CAMTA1: variants seen among roughly 807,000 people sequenced by gnomAD.
CAMTA1 encodes calmodulin-binding transcription activator 1.
CAMTA1 carries 27 observed loss-of-function variants against 170.9 expected under a neutral mutation model. The observed-to-expected ratio is 0.16, with a 90% CI of 0.12 to 0.22. The LOEUF is 0.22. Among genes scored for constraint, CAMTA1 ranks in the 10% least tolerant of loss-of-function variants. CAMTA1 has a pLI of 1.00. For synonymous variants in CAMTA1, 833 were observed against 891.5 expected, an observed-to-expected ratio of 0.93 and a Z score of 1.17; for missense variants, 1,619 against 2,217.2, an observed-to-expected ratio of 0.73 and a Z score of 5.42.
intron 6 of CAMTA1, among the ~76,000 whole-genome samples, chr1:7,543,190 C>T (rs1012875965): frequency 7.2e-5 from 11 of 152,184 alleles, no homozygotes; most frequent in South Asian, 2.1e-4. Flanking sequence ...TTAATGGCTG[C>T]GTAATATCCC....
rs1461337087 is a variant in CAMTA1 at position 7,738,088 on chromosome 1, C to T, written c.3788C>T (p.Thr1263Ile). 3 of 1,614,086 alleles carry T rather than the reference C, an allele frequency of 1.9e-6. No homozygotes were observed. Among genetic ancestry groups the T allele is most frequent in the African/African-American group, 1.3e-5 (1 of 74,932 alleles). ...FQTRQEKLLPTALSLEEPNIR... is the reference protein window; with the variant it reads ...FQTRQEKLLPIALSLEEPNIR... The stretch of plus-strand genomic sequence containing the variant: ...ACAAGGCAGGAGAAGCTGCTTCCCA[C>T]TGCACTGAGTCTGGAAGAGCCAAAT... Residue 1263 changes from threonine to isoleucine, a missense_variant, in exon 16 of 23, where the codon ACT becomes ATT. Coordinates refer to ENST00000303635, the MANE Select transcript of CAMTA1 (RefSeq NM_015215.4). This position sits in a 1 kb window ranked among gnomAD's most constrained non-coding sequence, Gnocchi z 4.9.
At chr1:7,038,580 C>G (rs115524531) in intron 3 of CAMTA1, among the ~76,000 whole-genome samples, 1,991 of 152,264 alleles carry the variant, frequency 0.013, 38 homozygotes, top group African/African-American at 0.046. Context: ...TTCATCCATC[C>G]ATCTTGATAT....
intron 3 of CAMTA1, among the ~76,000 whole-genome samples, chr1:6,953,713 T>C (rs1025981778): frequency 3.9e-5 from 6 of 152,258 alleles, no homozygotes; most frequent in African/African-American, 1.4e-4. Context: ...CACTGCACTT[T>C]ATAGCCTTTT....
intron 5 of CAMTA1, among the ~76,000 whole-genome samples, chr1:7,412,037 C>T (rs1195403117): frequency 1.3e-5 from 2 of 151,632 alleles, no homozygotes; most frequent in Non-Finnish European, 2.9e-5. Flanking sequence ...CCATAGTTTG[C>T]TGAGAATGAT....
chr1:7,684,360 C>T (rs952781871), intron 11 of CAMTA1, among the ~76,000 whole-genome samples: 2 of 152,216 alleles, frequency 1.3e-5, no homozygotes, highest in African/African-American at 2.4e-5. Context: ...TCAAGATCAG[C>T]CAGCTGTTCC....
At chr1:7,393,154 T>C (rs2088917411) in intron 5 of CAMTA1, among the ~76,000 whole-genome samples, 1 of 152,222 alleles carries the variant, frequency 6.6e-6, no homozygotes, top group South Asian at 2.1e-4. Flanking sequence ...TTCATCAAGA[T>C]TTTGGTTTCC....
Position 7,065,883 on chromosome 1 carries a change from C to G in CAMTA1, c.235-25421C>G, listed in dbSNP as rs1708894686. Among the ~76,000 whole-genome samples the G allele has an allele frequency of 6.6e-6, 1 of 152,154 alleles. No homozygotes were observed. Among genetic ancestry groups the G allele is most frequent in the Non-Finnish European group, 1.5e-5 (1 of 68,038 alleles). On this transcript the variant is annotated intron_variant, in intron 3 of 22. Transcript: ENST00000303635. The surrounding 1 kb of genome is among the most constrained non-coding windows in gnomAD (Gnocchi z 5.2). ...GTGAAAGAGTAAAGCAGTCTTAAGA[C>G]TGGGTGTGAAATGGAGAAGAACGCA... is the stretch of plus-strand genomic sequence containing the variant.
At chr1:6,805,537 A>G (rs1354691491) in intron 1 of CAMTA1, among the ~76,000 whole-genome samples, 1 of 152,124 alleles carries the variant, frequency 6.6e-6, no homozygotes, top group East Asian at 1.9e-4. Flanking sequence ...AGAGGGTCTC[A>G]TTCTGTCACC....
chr1:7,025,570 T>C lies in CAMTA1; in HGVS notation c.235-65734T>C, dbSNP rs111842525. ...TTGAGTGCAACTCTGTGCCAGGCAC[T>C]GGGCCAGATGCCGGGGAGAGAAAGC... On this transcript the variant is annotated intron_variant, in intron 3 of 22. Coordinates refer to ENST00000303635, the MANE Select transcript of CAMTA1 (RefSeq NM_015215.4). Among the ~76,000 whole-genome samples the C allele has an allele frequency of 8.0e-3, 1,212 of 152,316 alleles. 19 individuals carry two copies. The highest frequency in any genetic ancestry group is 0.028 in the African/African-American group (1,152 of 41,550).
chr1:7,612,193 G>A (rs1224833435), intron 6 of CAMTA1, among the ~76,000 whole-genome samples: 2 of 152,170 alleles, frequency 1.3e-5, no homozygotes, highest in Non-Finnish European at 2.9e-5. Flanking sequence ...CAGGTCACAC[G>A]GACTTGAAGG....
chr1:7,664,565 A>C lies in CAMTA1; in HGVS notation c.2018A>C (p.His673Pro), dbSNP rs781545125. The change falls in exon 9 of 23, where the codon CAC becomes CCC. Residue 673 changes from histidine (H) to proline (P), a missense_variant. His to Pro is a moderately conservative substitution (Grantham distance 77). Around this residue, in one of 8 missense-constraint regions of CAMTA1, gnomAD observed 731 missense variants for 907.6 expected, o/e 0.81. Coordinates refer to ENST00000303635, the MANE Select transcript of CAMTA1 (RefSeq NM_015215.4). ...CGGATCGAGTCCACTTCCTCCCTCC[A>C]CCTCATGCAGTTCCAGGCCAACTTC... The part of the protein sequence containing the change: ...ETRIESTSSL[H>P]LMQFQANFQA... 9.9e-6 allele frequency: 16 copies of C among 1,612,804 alleles called. No individual in the cohort carries two copies. Among genetic ancestry groups the C allele is most frequent in the Non-Finnish European group, 1.3e-5 (15 of 1,179,970 alleles).
At position 7,459,760 on chromosome 1, in the gene CAMTA1, C is replaced by G. The variant is rs370789549; in HGVS notation, c.439-8070C>G. ...TCACCCCAAATCTGGAAGAGAGAGACTTTCCTGCCTCTTGGGTCACAGCCG... is the reference window on the plus strand; with the variant it reads ...TCACCCCAAATCTGGAAGAGAGAGAGTTTCCTGCCTCTTGGGTCACAGCCG... On this transcript the variant is annotated intron_variant, in intron 5 of 22. Transcript: ENST00000303635. Among the ~76,000 whole-genome samples, 34 of 152,352 alleles carry G rather than the reference C, an allele frequency of 2.2e-4. 1 individual carries two copies. In the South Asian group the frequency reaches 7.0e-3, roughly 32 times the overall value.
rs1380307664 is a variant in CAMTA1 at position 6,965,237 on chromosome 1, G to A, written c.235-126067G>A. Among the ~76,000 whole-genome samples the A allele has an allele frequency of 6.6e-6, 1 of 152,184 alleles. No homozygotes were observed. ...TGTGTGCTTGTGTGTGTCTGTGCAT[G>A]TGTGCATGTGTGTGGGCACGTGCTC... is the stretch of plus-strand genomic sequence containing the variant. On this transcript the variant is annotated intron_variant, in intron 3 of 22. Transcript: ENST00000303635. This position sits in a 1 kb window ranked among gnomAD's most constrained non-coding sequence, Gnocchi z 4.1.
At chr1:7,407,544 G>T (rs926166743) in intron 5 of CAMTA1, among the ~76,000 whole-genome samples, 1 of 152,208 alleles carries the variant, frequency 6.6e-6, no homozygotes, top group Non-Finnish European at 1.5e-5. Context: ...TTGGTTCCCT[G>T]TGTTGGCCTC....
chr1:7,299,964 C>T lies in CAMTA1; in HGVS notation c.438+50338C>T, dbSNP rs1051255909. ...TTAAGTGTCATTGACTTCCTAGCAA[C>T]CCTGACTGTGGTCTGATTCCTTTAA... On this transcript the variant is annotated intron_variant, in intron 5 of 22. Coordinates refer to ENST00000303635, the MANE Select transcript of CAMTA1 (RefSeq NM_015215.4). The surrounding 1 kb of genome is among the most constrained non-coding windows in gnomAD (Gnocchi z 4.7). Among the ~76,000 whole-genome samples the T allele has an allele frequency of 2.6e-5, 4 of 152,196 alleles. No homozygotes were observed. The highest frequency in any genetic ancestry group is 9.7e-5 in the African/African-American group (4 of 41,438).
At chr1:7,192,655 CG>C (rs1362528939) in intron 4 of CAMTA1, among the ~76,000 whole-genome samples, 1 of 152,194 alleles carries the variant, frequency 6.6e-6, no homozygotes, top group Admixed American at 6.5e-5. Context: ...CCTGAGTGCA[CG>C]CTGCCCGCCA....
At chr1:7,004,845 G>GT (rs1698746191) in intron 3 of CAMTA1, among the ~76,000 whole-genome samples, 1 of 152,200 alleles carries the variant, frequency 6.6e-6, no homozygotes, top group African/African-American at 2.4e-5. Flanking sequence ...TCAGCTCACT[G>GT]TAACTTCTGC....
At chr1:7,353,892 G>A (rs565567467) in intron 5 of CAMTA1, among the ~76,000 whole-genome samples, 38 of 152,008 alleles carry the variant, frequency 2.5e-4, no homozygotes, top group Admixed American at 9.8e-4. Flanking sequence ...GTACTTTTTC[G>A]ATCCTCACCT....
chr1:7,630,205 C>G (rs1189218072), intron 6 of CAMTA1, among the ~76,000 whole-genome samples: 3 of 152,234 alleles, frequency 2.0e-5, no homozygotes, highest in Non-Finnish European at 4.4e-5. Flanking sequence ...CTTGACCCCC[C>G]TCTCAGCCTT....
Sources: gnomAD v4.1 joint callset for allele counts (sites outside exome capture counted in the v4.1 genomes callset) on GRCh38, gnomAD v4.1.1 for gene constraint, gnomAD v4.1.1 regional missense constraint, Gnocchi (gnomAD v3.1) non-coding constraint, MANE v1.5 for transcripts, NCBI Gene and HGNC (gene_info 2026-07-23, HGNC 2026-07-21) for gene names.